Variants in HUNK observed in about 807,000 individuals in gnomAD.
HUNK encodes hormonally up-regulated neu tumor-associated kinase.
A neutral mutation model predicts 61.0 loss-of-function variants in HUNK; 21 were observed. That is an observed-to-expected ratio of 0.34 (90% CI 0.24 to 0.50). The LOEUF (loss-of-function observed/expected upper bound fraction) is 0.50. Among genes scored for constraint, HUNK ranks in the 20% least tolerant of loss-of-function variants. The pLI is 0.98. For missense variants in HUNK, 772 were observed against 945.7 expected, an observed-to-expected ratio of 0.82 and a Z score of 2.41; for synonymous variants, 371 against 386.1, an observed-to-expected ratio of 0.96 and a Z score of 0.46.
intron 9 of HUNK, among the ~76,000 whole-genome samples, chr21:31,994,483 C>T (rs1387643398): frequency 6.6e-6 from 1 of 152,214 alleles, no homozygotes; most frequent in African/African-American, 2.4e-5. Context: ...GACGAGCTCT[C>T]TTGGTTTGCA....
At chr21:31,884,980 G>A (rs1205463769) in intron 1 of HUNK, among the ~76,000 whole-genome samples, 1 of 151,988 alleles carries the variant, frequency 6.6e-6, no homozygotes. Flanking sequence ...GTTTTGCCTT[G>A]TTGGTCAGGC....
At chr21:31,953,618 C>T (rs915129675) in intron 4 of HUNK, among the ~76,000 whole-genome samples, 5 of 152,130 alleles carry the variant, frequency 3.3e-5, no homozygotes, top group Non-Finnish European at 7.4e-5. Context: ...TTTGATGAAA[C>T]AATAGATCAC....
chr21:31,996,853 C>T (rs2053209391), intron 10 of HUNK, among the ~76,000 whole-genome samples: 1 of 152,210 alleles, frequency 6.6e-6, no homozygotes, highest in Non-Finnish European at 1.5e-5. Flanking sequence ...AGAGAAGCCA[C>T]TGTACCCACT....
chr21:31,958,784 CA>C, intron 4 of HUNK, 58 bp from the exon 5 acceptor site: 1 of 1,498,160 alleles, frequency 6.7e-7, no homozygotes, highest in African/African-American at 1.4e-5. Flanking sequence ...CCCGTGTCCC[CA>C]GTCTTCCCCT....
chr21:31,979,148 G>T (rs571378068), intron 7 of HUNK, among the ~76,000 whole-genome samples: 1 of 145,976 alleles, frequency 6.9e-6, no homozygotes, highest in South Asian at 2.2e-4. Flanking sequence ...ATGTCACCAG[G>T]CTGGAGTGCA....
chr21:31,894,036 T>C (rs917941346), intron 1 of HUNK, among the ~76,000 whole-genome samples: 1 of 152,236 alleles, frequency 6.6e-6, no homozygotes, highest in Non-Finnish European at 1.5e-5. Flanking sequence ...GAGGCTGCGT[T>C]ATTCTTGTAC....
At chr21:31,972,379 T>TGA (rs2053017782) in intron 6 of HUNK, among the ~76,000 whole-genome samples, 2 of 152,224 alleles carry the variant, frequency 1.3e-5, no homozygotes, top group African/African-American at 4.8e-5. Context: ...TAAGTGATAC[T>TGA]TGAAAGCATC....
chr21:31,901,490 A>C (rs953626547), intron 1 of HUNK, among the ~76,000 whole-genome samples: 1 of 152,192 alleles, frequency 6.6e-6, no homozygotes, highest in African/African-American at 2.4e-5. Context: ...GCTTGGGCTG[A>C]GCAGGCAGCC....
chr21:31,890,287 G>A (rs893054865), intron 1 of HUNK, among the ~76,000 whole-genome samples: 3 of 151,180 alleles, frequency 2.0e-5, no homozygotes, highest in Non-Finnish European at 4.4e-5. Context: ...GGAGTGCAAC[G>A]GCACAGTCTC....
At chr21:31,982,804 T>C (rs1314675807) in intron 7 of HUNK, among the ~76,000 whole-genome samples, 2 of 152,028 alleles carry the variant, frequency 1.3e-5, no homozygotes, top group African/African-American at 4.8e-5. Context: ...TTGTTTATTT[T>C]TATTTTTATT....
chr21:31,999,390 G>A lies in HUNK; in HGVS notation c.*206G>A. ...GGAATCGCTAGGAGGGTTGGCTCCAGGGGCAGCCAATTCCTATCATTCAGA... is the reference window on the plus strand; with the variant it reads ...GGAATCGCTAGGAGGGTTGGCTCCAAGGGCAGCCAATTCCTATCATTCAGA... On this transcript the variant is annotated 3_prime_UTR_variant, in exon 11 of 11. Transcript: ENST00000270112. 3 of 530,396 alleles carry A rather than the reference G, an allele frequency of 5.7e-6. No individual in the cohort carries two copies. The highest frequency in any genetic ancestry group is 9.9e-6 in the Non-Finnish European group (3 of 303,462). The allele number at this position is 530,396 out of a possible 1,614,324, so 32.9% of individuals were successfully genotyped here.
intron 1 of HUNK, among the ~76,000 whole-genome samples, chr21:31,889,082 C>T (rs2052368776): frequency 6.6e-6 from 1 of 152,106 alleles, no homozygotes; most frequent in Admixed American, 6.6e-5. Flanking sequence ...GCTGGAAGTG[C>T]ATTCTTACGT....
chr21:31,999,979 G>T lies in HUNK; in HGVS notation c.*795G>T. The T allele has an allele frequency of 2.5e-6, 1 of 396,352 alleles. No homozygotes were observed. Among genetic ancestry groups the T allele is most frequent in the Non-Finnish European group, 4.4e-6 (1 of 225,236 alleles). 24.6% of individuals were successfully genotyped at this position (396,352 alleles called of 1,614,324 possible). On this transcript the variant is annotated 3_prime_UTR_variant, in exon 11 of 11. Coordinates refer to ENST00000270112, the MANE Select transcript of HUNK (RefSeq NM_014586.2). Reference sequence around the variant, plus strand: ...CACCAAACTCATGTTTTCACAGGAGGGTTCAGTGTGGAGAGCAAAAAAGCT... The same window carrying T: ...CACCAAACTCATGTTTTCACAGGAGTGTTCAGTGTGGAGAGCAAAAAAGCT...
intron 4 of HUNK, 89 bp downstream of exon 4, chr21:31,946,260 A>C (rs1241497748): frequency 1.5e-6 from 2 of 1,339,316 alleles, no homozygotes; most frequent in Non-Finnish European, 2.1e-6. Flanking sequence ...ATTGGATGGC[A>C]TGTATAGGTG....
intron 1 of HUNK, among the ~76,000 whole-genome samples, chr21:31,886,620 C>T (rs754252943): frequency 1.3e-5 from 2 of 151,864 alleles, no homozygotes; most frequent in Admixed American, 6.6e-5. Context: ...CTCTATTCCC[C>T]GTGCCAAGAA....
Position 31,924,044 on chromosome 21 carries a change from G to C in HUNK, c.262-424G>C, listed in dbSNP as rs1184418222. ...TTAGCTGTTTCTGAAGTGGCTGGGGGTCCTCAGACCTGGAGGGAGATGATG... is the reference window on the plus strand; with the variant it reads ...TTAGCTGTTTCTGAAGTGGCTGGGGCTCCTCAGACCTGGAGGGAGATGATG... On this transcript the variant is annotated intron_variant, in intron 1 of 10. Coordinates refer to ENST00000270112, the MANE Select transcript of HUNK (RefSeq NM_014586.2). The surrounding 1 kb of genome is among the most constrained non-coding windows in gnomAD (Gnocchi z 5.1). Among the ~76,000 whole-genome samples the C allele has an allele frequency of 6.6e-6, 1 of 152,098 alleles. No individual in the cohort carries two copies. Among genetic ancestry groups the C allele is most frequent in the Non-Finnish European group, 1.5e-5 (1 of 68,010 alleles).
intron 8 of HUNK, among the ~76,000 whole-genome samples, chr21:31,989,241 G>A (rs1005732713): frequency 6.6e-6 from 1 of 152,118 alleles, no homozygotes; most frequent in Non-Finnish European, 1.5e-5. Context: ...AAATTCTGAG[G>A]TCCTGGGGTT....
At chr21:31,964,430 C>T (rs965413047) in intron 5 of HUNK, among the ~76,000 whole-genome samples, 16 of 152,188 alleles carry the variant, frequency 1.1e-4, no homozygotes, top group Non-Finnish European at 2.2e-4. Flanking sequence ...CCAGTCCAGA[C>T]TTTGGAAAGC....
intron 1 of HUNK, among the ~76,000 whole-genome samples, chr21:31,901,464 G>T (rs1031126969): frequency 3.3e-5 from 5 of 152,142 alleles, no homozygotes; most frequent in Non-Finnish European, 7.4e-5. Flanking sequence ...CCTTGGCTTG[G>T]TGGCAGGAAT....
Sources: allele counts gnomAD v4.1 joint callset (sites outside exome capture counted in the v4.1 genomes callset), GRCh38; gene constraint gnomAD v4.1.1; non-coding constraint Gnocchi (gnomAD v3.1); transcripts MANE v1.5; gene names NCBI Gene and HGNC (gene_info 2026-07-23, HGNC 2026-07-21).